Variants in PRRX2 observed in about 807,000 individuals in gnomAD.
PRRX2 encodes the protein paired related homeobox 2.
Under a neutral mutation model 18.0 loss-of-function variants are expected in PRRX2, and 11 were observed. That is an observed-to-expected ratio of 0.61 (90% confidence interval 0.39 to 1.01). PRRX2 has a LOEUF of 1.01. Ranked by LOEUF, PRRX2 falls within the 50% of genes least tolerant of loss-of-function variation. PRRX2 has a pLI of 0.01. For missense variants in PRRX2, 387 were observed against 351.0 expected (o/e 1.10, Z -0.82); for synonymous variants, 177 against 154.8 (o/e 1.14, Z -1.06).
Position 129,671,290 on chromosome 9 carries a change from G to A in PRRX2, c.259+5164G>A, listed in dbSNP as rs765339091. Among the ~76,000 whole-genome samples the A allele has an allele frequency of 7.9e-5, 12 of 152,206 alleles. No individual in the cohort carries two copies. The highest frequency in any genetic ancestry group is 1.6e-4 in the Non-Finnish European group (11 of 68,028). On this transcript the variant is annotated intron_variant, in intron 1 of 3. Transcript: ENST00000372469. The surrounding 1 kb of genome is among the most constrained non-coding windows in gnomAD (Gnocchi z 4.0). ...TTTGGGAACTGCTGGGCCTCCCAGCGTGGCTAGGGCGGGACAGTGGCCTGC... is the reference window on the plus strand; with the variant it reads ...TTTGGGAACTGCTGGGCCTCCCAGCATGGCTAGGGCGGGACAGTGGCCTGC...
intron 1 of PRRX2, among the ~76,000 whole-genome samples, chr9:129,694,855 G>T (rs1258997079): frequency 6.6e-6 from 1 of 152,158 alleles, no homozygotes; most frequent in Non-Finnish European, 1.5e-5. Flanking sequence ...ACACTATGAT[G>T]TGTGCCATGA....
chr9:129,713,575 T>A (rs935417854), intron 1 of PRRX2, among the ~76,000 whole-genome samples: 1 of 152,028 alleles, frequency 6.6e-6, no homozygotes, highest in African/African-American at 2.4e-5. Flanking sequence ...TGAAGAGGGG[T>A]TCGCAGCCTT....
At chr9:129,702,465 A>G (rs896455497) in intron 1 of PRRX2, among the ~76,000 whole-genome samples, 1 of 152,182 alleles carries the variant, frequency 6.6e-6, no homozygotes, top group Non-Finnish European at 1.5e-5. Context: ...GTGCTGTCCA[A>G]TGTGGCGGCC....
intron 1 of PRRX2, among the ~76,000 whole-genome samples, chr9:129,691,667 C>G (rs965941816): frequency 1.1e-4 from 16 of 150,202 alleles, no homozygotes; most frequent in African/African-American, 3.7e-4. Flanking sequence ...TATTCTTTTC[C>G]CTTTTTAAAT....
chr9:129,674,859 T>G (rs920197020), intron 1 of PRRX2, among the ~76,000 whole-genome samples: 2 of 152,176 alleles, frequency 1.3e-5, no homozygotes, highest in African/African-American at 4.8e-5. Context: ...ATATTTAGTG[T>G]GGTCCCAGGA....
chr9:129,702,397 C>CAAA (rs79630793), intron 1 of PRRX2, among the ~76,000 whole-genome samples: 3 of 89,318 alleles, frequency 3.4e-5, no homozygotes, highest in Admixed American at 1.2e-4. Flanking sequence ...GACTCCGTCT[C>CAAA]AAAAAAAAAA....
intron 1 of PRRX2, among the ~76,000 whole-genome samples, chr9:129,688,844 C>G (rs1287609169): frequency 6.6e-6 from 1 of 152,220 alleles, no homozygotes; most frequent in Non-Finnish European, 1.5e-5. Flanking sequence ...TTCACCAGTT[C>G]ACACAGCACC....
intron 1 of PRRX2, among the ~76,000 whole-genome samples, chr9:129,696,375 C>A (rs1209953019): frequency 6.6e-6 from 1 of 152,082 alleles, no homozygotes; most frequent in African/African-American, 2.4e-5. Flanking sequence ...AGGGGTTAGG[C>A]ACCAGCCTGG....
At position 129,675,444 on chromosome 9, in the gene PRRX2, C is replaced by T. The variant is rs73636749; in HGVS notation, c.259+9318C>T. On this transcript the variant is annotated intron_variant, in intron 1 of 3. Transcript: ENST00000372469. This position sits in a 1 kb window ranked among gnomAD's most constrained non-coding sequence, Gnocchi z 4.4. ...TAGGAGGCAGTCAAAAGCACCCCTG[C>T]TGAGCTGGAGCCACTGGACAAGCCC... Among the ~76,000 whole-genome samples the T allele has an allele frequency of 0.024, 3,637 of 152,238 alleles. 141 individuals are homozygous for T. Among genetic ancestry groups the T allele is most frequent in the African/African-American group, 0.084 (3,480 of 41,536 alleles).
At chr9:129,674,982 C>G (rs961057214) in intron 1 of PRRX2, among the ~76,000 whole-genome samples, 4 of 152,132 alleles carry the variant, frequency 2.6e-5, no homozygotes, top group African/African-American at 9.7e-5. Flanking sequence ...TAGCCCCCTG[C>G]CTAGCGATTC....
chr9:129,706,956 A>C (rs536285019), intron 1 of PRRX2, among the ~76,000 whole-genome samples: 2 of 152,246 alleles, frequency 1.3e-5, no homozygotes, highest in Non-Finnish European at 2.9e-5. Flanking sequence ...ATTTCATATA[A>C]AAGAAATCAT....
At chr9:129,674,211 C>T (rs1426270146) in intron 1 of PRRX2, among the ~76,000 whole-genome samples, 4 of 152,304 alleles carry the variant, frequency 2.6e-5, no homozygotes, top group African/African-American at 4.8e-5. Flanking sequence ...TTCCACATCA[C>T]GGAAGTTGTT....
At position 129,714,720 on chromosome 9, in the gene PRRX2, C is replaced by A. The variant is rs561295278; in HGVS notation, c.260-4511C>A. 8.5e-5 allele frequency among the ~76,000 whole-genome samples: 13 copies of A among 152,266 alleles called. No homozygotes were observed. In the South Asian group the frequency reaches 2.5e-3, roughly 29 times the overall value. Reference sequence around the variant, plus strand: ...ATGAAAGTGGAGCTGTTTCTTCGGGCGCTTACTCGGCAAGGCGAAGGCTGC... The same window carrying A: ...ATGAAAGTGGAGCTGTTTCTTCGGGAGCTTACTCGGCAAGGCGAAGGCTGC... On this transcript the variant is annotated intron_variant, in intron 1 of 3. Coordinates refer to ENST00000372469, the MANE Select transcript of PRRX2 (RefSeq NM_016307.4).
Position 129,722,644 on chromosome 9 carries a change from A to G in PRRX2, c.*292A>G. The stretch of plus-strand genomic sequence containing the variant: ...TAAAACCAAAAAGCTTTTGTCTTTA[A>G]GAAATAAAACCATTTTTTTAAGCCC... On this transcript the variant is annotated 3_prime_UTR_variant, in exon 4 of 4. Coordinates refer to ENST00000372469, the MANE Select transcript of PRRX2 (RefSeq NM_016307.4). 1 of 301,116 alleles carries G rather than the reference A, an allele frequency of 3.3e-6. No homozygotes were observed. The highest frequency in any genetic ancestry group is 6.1e-6 in the Non-Finnish European group (1 of 165,270). 18.7% of individuals were successfully genotyped at this position (301,116 alleles called of 1,614,324 possible).
chr9:129,720,760 C>G lies in PRRX2; in HGVS notation c.612C>G (p.Ala204=). 4 of 1,596,218 alleles carry G rather than the reference C, an allele frequency of 2.5e-6. No individual in the cohort carries two copies. Among genetic ancestry groups the G allele is most frequent in the Non-Finnish European group, 3.4e-6 (4 of 1,170,208 alleles). ...GTCCAGATTATCTCTCCTGGACAGCCTCGTCCCCCTACAGGTGAGAGCGGG... is the reference window on the plus strand; with the variant it reads ...GTCCAGATTATCTCTCCTGGACAGCGTCGTCCCCCTACAGGTGAGAGCGGG... ...ALSPDYLSWT[A]SSPYSTVPPY... is the part of the protein sequence containing the mutation. Residue 204 remains alanine (A), a synonymous_variant, in exon 3 of 4, where the codon GCC becomes GCG. Transcript: ENST00000372469.
At chr9:129,713,314 A>G (rs541057683) in intron 1 of PRRX2, 15 of 152,416 alleles carry the variant, frequency 9.8e-5, no homozygotes, top group Middle Eastern at 3.4e-3. Context: ...AGCAATTACT[A>G]TGTCCTTGGC....
chr9:129,665,944 TG>T lies in PRRX2; in HGVS notation c.81del (p.Gly29AlafsTer12), dbSNP rs1365516939. On this transcript the variant is annotated frameshift_variant, in exon 1 of 4. Coordinates refer to ENST00000372469, the MANE Select transcript of PRRX2 (RefSeq NM_016307.4). LOFTEE classifies it high-confidence loss of function. The surrounding 1 kb of genome is among the most constrained non-coding windows in gnomAD (Gnocchi z 5.3). ...GPGPPPPPPA[L>X]GPGDCAQARK... is the part of the protein sequence containing the mutation. ...GGGCCGCCGCCGCCTCCACCCGCGC[TG>T]GGGCCCGGCGACTGCGCCCAGGCGC... 3.6e-6 allele frequency: 4 copies of T among 1,125,960 alleles called. No homozygotes were observed. Among genetic ancestry groups the T allele is most frequent in the Admixed American group, 9.2e-5 (2 of 21,850 alleles). The allele number at this position is 1,125,960 out of a possible 1,614,324, so 69.7% of individuals were successfully genotyped here.
intron 1 of PRRX2, among the ~76,000 whole-genome samples, chr9:129,678,044 A>C (rs144109084): frequency 1.4e-5 from 2 of 143,584 alleles, no homozygotes; most frequent in African/African-American, 5.4e-5. Context: ...GCTCGCTACA[A>C]CCTCCGCCTC....
intron 1 of PRRX2, among the ~76,000 whole-genome samples, chr9:129,668,135 C>T (rs1480046270): frequency 6.6e-6 from 1 of 152,178 alleles, no homozygotes; most frequent in African/African-American, 2.4e-5. Flanking sequence ...TCTGGGTCTA[C>T]AGGCAGAAGG....
Sources: gnomAD v4.1 joint callset for allele counts (sites outside exome capture counted in the v4.1 genomes callset) on GRCh38, gnomAD v4.1.1 for gene constraint, Gnocchi (gnomAD v3.1) non-coding constraint, MANE v1.5 for transcripts, NCBI Gene and HGNC (gene_info 2026-07-23, HGNC 2026-07-21) for gene names.